ZWILCH: variants seen among roughly 807,000 people sequenced by gnomAD.
The protein encoded by ZWILCH is zwilch kinetochore protein, also known as protein zwilch homolog.
In ZWILCH, 74 loss-of-function variants were observed where a neutral mutation model predicts 79.9. The observed-to-expected ratio is 0.93, with a 90% confidence interval of 0.77 to 1.12. The LOEUF (loss-of-function observed/expected upper bound fraction) is 1.12, where lower values mean the gene tolerates loss of function less well. Among genes scored for constraint, ZWILCH ranks in the 50% most tolerant of loss-of-function variants. ZWILCH has a pLI of 0.00. For missense variants in ZWILCH, 694 were observed against 687.5 expected (o/e 1.01, Z -0.11); for synonymous variants, 241 against 228.2 (o/e 1.06, Z -0.51).
chr15:66,538,702 G>A (rs1395423731), intron 16 of ZWILCH, among the ~76,000 whole-genome samples: 1 of 152,110 alleles, frequency 6.6e-6, no homozygotes, highest in Non-Finnish European at 1.5e-5. Context: ...GCACGTATAA[G>A]GCTGTTTGGC....
At chr15:66,541,020 G>A (rs1348193399) in intron 17 of ZWILCH, among the ~76,000 whole-genome samples, 1 of 150,634 alleles carries the variant, frequency 6.6e-6, no homozygotes, top group African/African-American at 2.4e-5. Context: ...GTTCGAGCCT[G>A]TAATCCCAGC....
intron 12 of ZWILCH, among the ~76,000 whole-genome samples, chr15:66,531,195 A>G (rs1229065102): frequency 6.6e-6 from 1 of 152,222 alleles, no homozygotes; most frequent in African/African-American, 2.4e-5. Flanking sequence ...ATTGTAGCCA[A>G]TGAGGAGTTC....
At chr15:66,535,822 A>G (rs1206034383) in intron 14 of ZWILCH, 111 bp from the exon 15 acceptor site, 14 of 813,850 alleles carry the variant, frequency 1.7e-5, no homozygotes, top group Middle Eastern at 3.1e-4. Flanking sequence ...TTTTTTTTTT[A>G]ATGCCTGTTA....
Position 66,540,226 on chromosome 15 carries a change from A to C in ZWILCH, c.1687+16A>C. 1 of 1,567,802 alleles carries C rather than the reference A, an allele frequency of 6.4e-7. No individual in the cohort carries two copies. Among genetic ancestry groups the C allele is most frequent in the Non-Finnish European group, 8.8e-7 (1 of 1,140,078 alleles). ...CACAAACCTGGTAAAGATGGTTTATAATCTGTTCAGATAAATAATTCCAAC... is the reference window on the plus strand; with the variant it reads ...CACAAACCTGGTAAAGATGGTTTATCATCTGTTCAGATAAATAATTCCAAC... On this transcript the variant is annotated intron_variant, in intron 17 of 18. Transcript: ENST00000307897.
intron 7 of ZWILCH, among the ~76,000 whole-genome samples, chr15:66,522,931 T>C (rs1894550008): frequency 6.6e-6 from 1 of 152,158 alleles, no homozygotes; most frequent in African/African-American, 2.4e-5. Flanking sequence ...CAAGCTATTC[T>C]CCTGCCTCAG....
chr15:66,543,758 GAA>G (rs200187632), intron 17 of ZWILCH, among the ~76,000 whole-genome samples: 2 of 133,752 alleles, frequency 1.5e-5, no homozygotes, highest in African/African-American at 2.9e-5. Flanking sequence ...CCCTGTCTCA[GAA>G]AAAAAAAAAA....
chr15:66,532,057 A>C (rs1894867414), intron 12 of ZWILCH, among the ~76,000 whole-genome samples, 190 bp from the exon 13 acceptor site: 2 of 152,070 alleles, frequency 1.3e-5, no homozygotes, highest in Non-Finnish European at 2.9e-5. Flanking sequence ...ACAGAGCAAG[A>C]CTCTGTCTCA....
intron 13 of ZWILCH, 100 bp downstream of exon 13, chr15:66,532,503 TA>T (rs1894887756): frequency 9.4e-7 from 1 of 1,068,150 alleles, no homozygotes; most frequent in Non-Finnish European, 1.3e-6. Flanking sequence ...TCATCGTCTG[TA>T]GTCCTTCCTG....
At chr15:66,520,185 A>C (rs1198982539) in intron 5 of ZWILCH, among the ~76,000 whole-genome samples, 1 of 151,240 alleles carries the variant, frequency 6.6e-6, no homozygotes, top group Non-Finnish European at 1.5e-5. Context: ...CAGTGGCGCA[A>C]TCATGGCTCA....
intron 18 of ZWILCH, chr15:66,547,591 A>G (rs1895424461): frequency 6.6e-6 from 1 of 152,192 alleles, no homozygotes; most frequent in Non-Finnish European, 1.5e-5. Context: ...TAGAAGATAA[A>G]TAAAAAATAA....
At chr15:66,540,952 C>G (rs78397664) in intron 17 of ZWILCH, among the ~76,000 whole-genome samples, 1 of 151,368 alleles carries the variant, frequency 6.6e-6, no homozygotes, top group Non-Finnish European at 1.5e-5. Flanking sequence ...GTAATTTTCC[C>G]GAACTCTAAG....
chr15:66,546,212 G>A (rs1195767815), intron 17 of ZWILCH, among the ~76,000 whole-genome samples: 1 of 152,170 alleles, frequency 6.6e-6, no homozygotes, highest in East Asian at 1.9e-4. Flanking sequence ...AAATGGATAT[G>A]TGTCTAGCCC....
intron 4 of ZWILCH, 86 bp downstream of exon 4, chr15:66,515,730 A>G: frequency 4.6e-6 from 4 of 876,962 alleles, no homozygotes; most frequent in Non-Finnish European, 7.6e-6. Context: ...ATAGGCCTCT[A>G]GCCCTTATAT....
chr15:66,542,834 T>C (rs1895236872), intron 17 of ZWILCH, among the ~76,000 whole-genome samples: 1 of 151,968 alleles, frequency 6.6e-6, no homozygotes, highest in South Asian at 2.1e-4. Flanking sequence ...CTCTAAAAAA[T>C]GTAAAAGAAT....
At chr15:66,520,199 C>T (rs1894442538) in intron 5 of ZWILCH, among the ~76,000 whole-genome samples, 1 of 152,098 alleles carries the variant, frequency 6.6e-6, no homozygotes, top group Non-Finnish European at 1.5e-5. Context: ...TGGCTCACTG[C>T]AGCCTCGACC....
chr15:66,526,707 C>T (rs1051750817), intron 8 of ZWILCH, among the ~76,000 whole-genome samples: 1 of 152,086 alleles, frequency 6.6e-6, no homozygotes, highest in Non-Finnish European at 1.5e-5. Flanking sequence ...CATGATCCAC[C>T]CATCTCGGCC....
chr15:66,546,636 T>G lies in ZWILCH; in HGVS notation c.1733T>G (p.Phe578Cys). ...TLNGSLEERIFFTNMVTCSQV... is the reference protein window; with the variant it reads ...TLNGSLEERICFTNMVTCSQV... The stretch of plus-strand genomic sequence containing the variant: ...AACGGTAGCCTGGAAGAAAGGATAT[T>G]CTTTACTAACATGGTTACCTGCAGC... The change falls in exon 18 of 19, where the codon TTC (phenylalanine) becomes TGC (cysteine). Residue 578 changes from phenylalanine (F) to cysteine (C), a missense_variant. Transcript: ENST00000307897. The G allele has an allele frequency of 1.2e-6, 2 of 1,609,668 alleles. No homozygotes were observed. Among genetic ancestry groups the G allele is most frequent in the Non-Finnish European group, 1.7e-6 (2 of 1,178,054 alleles).
chr15:66,542,838 A>G (rs138977243), intron 17 of ZWILCH, among the ~76,000 whole-genome samples: 18 of 152,260 alleles, frequency 1.2e-4, no homozygotes, highest in African/African-American at 4.1e-4. Flanking sequence ...AAAAAATGTA[A>G]AAGAATAAAC....
Position 66,521,195 on chromosome 15 carries a change from C to T in ZWILCH, c.737C>T (p.Thr246Ile), listed in dbSNP as rs772304279. The change falls in exon 7 of 19, where the codon ACT (threonine) becomes ATT (isoleucine). Residue 246 changes from threonine (T) to isoleucine (I), a missense_variant. Physicochemically the swap from Thr to Ile is moderately conservative, Grantham distance 89. Coordinates refer to ENST00000307897, the MANE Select transcript of ZWILCH (RefSeq NM_017975.5). ...EILQIPPLSS[T>I]ATLNIKVESG... ...CTTCAAATCCCTCCACTCTCTTCAA[C>T]TGCAACTCTGGTAAGAGTGGGCCCT... is the stretch of plus-strand genomic sequence containing the variant. 1.9e-6 allele frequency: 3 copies of T among 1,611,292 alleles called. No homozygotes were observed. The African/African-American group carries it at 4.0e-5, about 22-fold the overall frequency.
Sources: allele counts gnomAD v4.1 joint callset (sites outside exome capture counted in the v4.1 genomes callset), GRCh38; gene constraint gnomAD v4.1.1; transcripts MANE v1.5; gene names NCBI Gene and HGNC (gene_info 2026-07-23, HGNC 2026-07-21).